The following ANKRD27 variants were observed in gnomAD, a reference collection of about 807,000 sequenced individuals.
The protein encoded by ANKRD27 is ankyrin repeat domain-containing protein 27.
ANKRD27 carries 112 observed loss-of-function variants against 129.7 expected under a neutral mutation model. The ratio of observed to expected loss-of-function variants is 0.86; its 90% confidence interval spans 0.74 to 1.01. The LOEUF (loss-of-function observed/expected upper bound fraction) is 1.01, where lower values mean the gene tolerates loss of function less well. ANKRD27 is among the 50% of genes least tolerant of loss of function. The pLI is 0.00. For missense variants in ANKRD27, 1,258 were observed against 1,300.5 expected, an observed-to-expected ratio of 0.97 and a Z score of 0.50; for synonymous variants, 516 against 511.2, an observed-to-expected ratio of 1.01 and a Z score of -0.13.
intron 1 of ANKRD27, 125 bp from the exon 2 acceptor site, chr19:32,659,170 ACT>A (rs1411579392): frequency 1.8e-6 from 1 of 541,920 alleles, no homozygotes; most frequent in East Asian, 3.4e-5. Flanking sequence ...ACAGAGTCTC[ACT>A]CTGTCGCCCA....
intron 2 of ANKRD27, among the ~76,000 whole-genome samples, chr19:32,657,334 C>T (rs1056837099): frequency 6.6e-6 from 1 of 151,874 alleles, no homozygotes; most frequent in African/African-American, 2.4e-5. Context: ...TGGTGGCACA[C>T]ACCTGTAGTC....
chr19:32,633,756 T>C (rs1403477804), intron 12 of ANKRD27, among the ~76,000 whole-genome samples: 1 of 151,788 alleles, frequency 6.6e-6, no homozygotes, highest in Non-Finnish European at 1.5e-5. Flanking sequence ...GTGTGGTGGC[T>C]CATGCCTGTA....
chr19:32,661,092 T>C (rs777612071), intron 1 of ANKRD27, among the ~76,000 whole-genome samples: 40 of 151,110 alleles, frequency 2.6e-4, no homozygotes, highest in Non-Finnish European at 4.6e-4. Context: ...TCCCAGGTAC[T>C]AAGGAGGCTG....
intron 4 of ANKRD27, among the ~76,000 whole-genome samples, chr19:32,646,111 T>C (rs962758775): frequency 2.0e-5 from 3 of 151,952 alleles, no homozygotes; most frequent in Admixed American, 2.0e-4. Flanking sequence ...TTTGTATTTT[T>C]AGTAGAGATG....
rs35422369 is a variant in ANKRD27 at position 32,641,764 on chromosome 19, C to CTTTTTTTTT, written c.904+259_904+260insAAAAAAAAA. On this transcript the variant is annotated intron_variant, in intron 10 of 28. Transcript: ENST00000306065. ...TTTCTTGACTTGTTTTCTTTTACTT[C>CTTTTTTTTT]TTCTTTTTTTTTTTTTTTTTTGAGA... Among the ~76,000 whole-genome samples, 5 of 79,726 alleles carry CTTTTTTTTT rather than the reference C, an allele frequency of 6.3e-5. 2 individuals carry two copies. Among genetic ancestry groups the CTTTTTTTTT allele is most frequent in the African/African-American group, 2.8e-4 (4 of 14,170 alleles). 52.3% of individuals were successfully genotyped at this position (79,726 alleles called of 152,430 possible).
At chr19:32,665,171 A>G (rs920462066) in intron 1 of ANKRD27, among the ~76,000 whole-genome samples, 1 of 152,096 alleles carries the variant, frequency 6.6e-6, no homozygotes, top group African/African-American at 2.4e-5. Context: ...GCTCCCCTCC[A>G]GCTTGTTCTC....
At chr19:32,650,916 T>TG in intron 2 of ANKRD27, among the ~76,000 whole-genome samples, 1 of 151,026 alleles carries the variant, frequency 6.6e-6, no homozygotes, top group East Asian at 2.0e-4. Flanking sequence ...GACCAGCATT[T>TG]TTTTTTTAAG....
chr19:32,650,843 G>C (rs1967403438), intron 2 of ANKRD27, among the ~76,000 whole-genome samples: 1 of 148,986 alleles, frequency 6.7e-6, no homozygotes, highest in African/African-American at 2.5e-5. Flanking sequence ...TCAACCTCTG[G>C]GCTCAAGCCA....
chr19:32,613,292 C>T (rs776197320), intron 22 of ANKRD27, among the ~76,000 whole-genome samples: 3 of 152,060 alleles, frequency 2.0e-5, no homozygotes, highest in Admixed American at 6.6e-5. Context: ...CTGGGGAGGA[C>T]GAGGAGGAAC....
intron 22 of ANKRD27, among the ~76,000 whole-genome samples, chr19:32,610,750 C>T (rs1241872368): frequency 6.6e-6 from 1 of 152,106 alleles, no homozygotes; most frequent in Non-Finnish European, 1.5e-5. Flanking sequence ...CAATATTGCA[C>T]CACTGTACTC....
chr19:32,656,059 AAAAGAAAGAAAGAAAGAAAG>A, intron 2 of ANKRD27, among the ~76,000 whole-genome samples: 2 of 65,928 alleles, frequency 3.0e-5, no homozygotes, highest in South Asian at 1.1e-3. Flanking sequence ...GAAAAGAAAG[AAAAGAAAGAAAGAAAGAAAG>A]AAAGAAAGAA....
chr19:32,656,789 C>CA (rs34410291), intron 2 of ANKRD27, among the ~76,000 whole-genome samples: 73,258 of 137,068 alleles, frequency 0.53, 20,689 homozygotes, highest in Non-Finnish European at 0.66. Context: ...GACCTTATCT[C>CA]AAAAAAAAAA....
At chr19:32,667,464 TC>T (rs1967781634) in intron 1 of ANKRD27, among the ~76,000 whole-genome samples, 1 of 152,234 alleles carries the variant, frequency 6.6e-6, no homozygotes, top group African/African-American at 2.4e-5. Flanking sequence ...TATGCCACCA[TC>T]CTTGGCCTAA....
Position 32,643,052 on chromosome 19 carries a change from G to A in ANKRD27, c.782+71C>T, listed in dbSNP as rs143122010. ...CAGCGTGTCACCTCTGCCACCGAGA[G>A]GGCCTGCTTCCGGGAGAAGACAGCA... On this transcript the variant is annotated intron_variant, in intron 9 of 28. Coordinates refer to ENST00000306065, the MANE Select transcript of ANKRD27 (RefSeq NM_032139.3). 106 of 1,477,558 alleles carry A rather than the reference G, an allele frequency of 7.2e-5. No homozygotes were observed. The African/African-American group carries it at 1.2e-3, about 17-fold the overall frequency. 91.5% of individuals were successfully genotyped at this position (1,477,558 alleles called of 1,614,324 possible). A position where few individuals can be genotyped will look rare whatever the true frequency, so the allele number is the denominator to read the frequency against.
chr19:32,663,145 C>T (rs1234326698), intron 1 of ANKRD27, among the ~76,000 whole-genome samples: 5 of 152,196 alleles, frequency 3.3e-5, no homozygotes, highest in African/African-American at 1.2e-4. Flanking sequence ...ATTCCATTCT[C>T]ATTCTCTTGG....
chr19:32,661,099 G>T lies in ANKRD27; in HGVS notation c.-30-2054C>A, dbSNP rs1370676557. ...GCCTATAGTCCCAGGTACTAAGGAGGCTGGGGCAGGAGAATCACTTGAGCC... is the reference window on the plus strand; with the variant it reads ...GCCTATAGTCCCAGGTACTAAGGAGTCTGGGGCAGGAGAATCACTTGAGCC... On this transcript the variant is annotated intron_variant, in intron 1 of 28. Transcript: ENST00000306065. 2.6e-5 allele frequency among the ~76,000 whole-genome samples: 4 copies of T among 151,746 alleles called. No homozygotes were observed. The South Asian group carries it at 8.3e-4, about 32-fold the overall frequency.
chr19:32,656,059 AAAAGAAAGAAAGAAAGAAAGAAAG>A (rs752509674), intron 2 of ANKRD27, among the ~76,000 whole-genome samples: 1 of 65,884 alleles, frequency 1.5e-5, no homozygotes, highest in Admixed American at 1.5e-4. Context: ...GAAAAGAAAG[AAAAGAAAGAAAGAAAGAAAGAAAG>A]AAAGAAAGAA....
chr19:32,668,289 A>G (rs1208058386), intron 1 of ANKRD27, among the ~76,000 whole-genome samples: 3 of 151,976 alleles, frequency 2.0e-5, no homozygotes, highest in Non-Finnish European at 2.9e-5. Flanking sequence ...AAGTGCCACA[A>G]TTACGGGTAT....
At position 32,625,955 on chromosome 19, in the gene ANKRD27, C is replaced by T. The variant is rs759760285; in HGVS notation, c.1548G>A (p.Leu516=). 1.9e-6 allele frequency: 3 copies of T among 1,589,610 alleles called. No homozygotes were observed. Among genetic ancestry groups the T allele is most frequent in the Admixed American group, 3.5e-5 (2 of 57,066 alleles). The change falls in exon 17 of 29, where the codon CTG becomes CTA. Residue 516 remains leucine, a synonymous_variant. Coordinates refer to ENST00000306065, the MANE Select transcript of ANKRD27 (RefSeq NM_032139.3). ...GCACTTCCGCGCTGGCCTTGTAGTGCAGCAGCAGCAGCTGCGGAGATAAAG... is the reference window on the plus strand; with the variant it reads ...GCACTTCCGCGCTGGCCTTGTAGTGTAGCAGCAGCAGCTGCGGAGATAAAG... ...KGYQSVTLLL[L]HYKASAEVQD...
Sources: gnomAD v4.1 joint callset for allele counts (sites outside exome capture counted in the v4.1 genomes callset) on GRCh38, gnomAD v4.1.1 for gene constraint, MANE v1.5 for transcripts, NCBI Gene and HGNC (gene_info 2026-07-23, HGNC 2026-07-21) for gene names.